Variants in COL27A1 observed in about 807,000 individuals in gnomAD.
The protein encoded by COL27A1 is collagen alpha-1(XXVII) chain.
A neutral mutation model predicts 251.3 loss-of-function variants in COL27A1; 106 were observed. The observed-to-expected ratio is 0.42, with a 90% CI of 0.36 to 0.50. The LOEUF (loss-of-function observed/expected upper bound fraction) is 0.50, where lower values mean the gene tolerates loss of function less well. COL27A1 is among the 20% of genes least tolerant of loss of function. The pLI is 0.00. For missense variants in COL27A1, 2,325 were observed against 2,522.8 expected (o/e 0.92, Z 1.68); for synonymous variants, 1,000 against 986.3 (o/e 1.01, Z -0.26).
intron 41 of COL27A1, among the ~76,000 whole-genome samples, chr9:114,285,478 C>G (rs374352229): frequency 6.6e-6 from 1 of 152,164 alleles, no homozygotes; most frequent in Non-Finnish European, 1.5e-5. Context: ...CTGAGTCCCT[C>G]CTGTCTTTCC....
chr9:114,222,927 C>A (rs971116996), intron 14 of COL27A1, among the ~76,000 whole-genome samples: 2 of 152,164 alleles, frequency 1.3e-5, no homozygotes, highest in African/African-American at 4.8e-5. Flanking sequence ...GGATCTGGCA[C>A]CCAGTAAGTG....
chr9:114,226,646 C>G (rs1160377456), intron 14 of COL27A1, among the ~76,000 whole-genome samples: 1 of 152,250 alleles, frequency 6.6e-6, no homozygotes, highest in Non-Finnish European at 1.5e-5. Context: ...GAACTGACCA[C>G]AGCTCCAGGT....
At chr9:114,245,214 G>GGT (rs71492771) in intron 23 of COL27A1, among the ~76,000 whole-genome samples, 13,162 of 144,182 alleles carry the variant, frequency 0.091, 620 homozygotes, top group South Asian at 0.1. Context: ...GGAGTACAGT[G>GGT]GTGCAATCTC....
rs1022963480 is a variant in COL27A1, at chr9:114,213,166, G to T, written c.2367+2140G>T. 3.3e-5 allele frequency among the ~76,000 whole-genome samples: 5 copies of T among 152,284 alleles called. No homozygotes were observed. In the East Asian group the frequency reaches 9.6e-4, roughly 29 times the overall value. ...AGAGTGTAGCTGTTTAGAGCTTGGG[G>T]TACGGAGTCTCCTGAGCATGGAAGA... is the stretch of plus-strand genomic sequence containing the variant. On this transcript the variant is annotated intron_variant, in intron 12 of 60. Transcript: ENST00000356083.
chr9:114,310,228 G>GA (rs1362151593), intron 60 of COL27A1, among the ~76,000 whole-genome samples: 1 of 151,828 alleles, frequency 6.6e-6, no homozygotes. Flanking sequence ...AAAACTTATT[G>GA]AAAAAATAAA....
chr9:114,158,095 C>T (rs185696145), intron 1 of COL27A1, among the ~76,000 whole-genome samples: 102 of 152,316 alleles, frequency 6.7e-4, no homozygotes, highest in Non-Finnish European at 9.8e-4. Flanking sequence ...GCCGTCTGGG[C>T]ACAGGGGGTC....
intron 12 of COL27A1, among the ~76,000 whole-genome samples, chr9:114,212,472 A>C (rs562791274): frequency 6.6e-6 from 1 of 152,378 alleles, no homozygotes; most frequent in Admixed American, 6.5e-5. Context: ...CAATCACTGA[A>C]TGGGGAAATG....
intron 2 of COL27A1, among the ~76,000 whole-genome samples, chr9:114,165,490 CT>C (rs1229685838): frequency 1.3e-5 from 2 of 151,158 alleles, no homozygotes; most frequent in African/African-American, 2.4e-5. Context: ...ATTCATCTAC[CT>C]ATCCATCCAT....
At position 114,290,670 on chromosome 9, in the gene COL27A1, AC is replaced by A; in HGVS notation, c.4369-139del. The A allele has an allele frequency of 1.5e-6, 1 of 660,330 alleles. No homozygotes were observed. The highest frequency in any genetic ancestry group is 2.6e-6 in the Non-Finnish European group (1 of 381,234). 40.9% of individuals were successfully genotyped at this position (660,330 alleles called of 1,614,324 possible). A position where few individuals can be genotyped will look rare whatever the true frequency, so the allele number is the denominator to read the frequency against. On this transcript the variant is annotated intron_variant, in intron 47 of 60. Coordinates refer to ENST00000356083, the MANE Select transcript of COL27A1 (RefSeq NM_032888.4). This position sits in a 1 kb window ranked among gnomAD's most constrained non-coding sequence, Gnocchi z 4.6. ...TGTCCTCCTGGTCCAGCCACATCAC[AC>A]ACAGGCCGTCTGACCTCCATCCTGG...
At chr9:114,160,348 G>A (rs1238875963) in intron 1 of COL27A1, among the ~76,000 whole-genome samples, 1 of 151,914 alleles carries the variant, frequency 6.6e-6, no homozygotes, top group Non-Finnish European at 1.5e-5. Flanking sequence ...GTAGAGATGG[G>A]GTTTCGCTGT....
intron 5 of COL27A1, among the ~76,000 whole-genome samples, chr9:114,187,589 C>T (rs1458512975): frequency 6.6e-6 from 1 of 152,252 alleles, no homozygotes; most frequent in African/African-American, 2.4e-5. Flanking sequence ...GTCAATCTAG[C>T]CCTCAGCTCC....
At chr9:114,179,585 C>A (rs918281748) in intron 4 of COL27A1, among the ~76,000 whole-genome samples, 33 of 152,240 alleles carry the variant, frequency 2.2e-4, no homozygotes, top group Admixed American at 2.0e-3. Context: ...GTTCCCCTGT[C>A]CCCTCTGGAT....
intron 14 of COL27A1, among the ~76,000 whole-genome samples, chr9:114,228,715 T>C (rs4979357): frequency 0.7 from 106,915 of 152,164 alleles, 39,523 homozygotes; most frequent in South Asian, 0.89. Context: ...GTCAAGTGCT[T>C]AGCACAGTGC....
chr9:114,283,621 G>A (rs758540244), intron 39 of COL27A1, 88 bp from the exon 40 acceptor site: 120 of 1,227,758 alleles, frequency 9.8e-5, no homozygotes, highest in Non-Finnish European at 1.2e-4. Context: ...GCTGCTGGGC[G>A]GAGCGGGGCT....
At chr9:114,238,045 CAG>C (rs1198352893) in intron 19 of COL27A1, among the ~76,000 whole-genome samples, 1 of 152,204 alleles carries the variant, frequency 6.6e-6, no homozygotes, top group East Asian at 1.9e-4. Context: ...ATTCTCCACT[CAG>C]AGTTCCCTCT....
intron 58 of COL27A1, 49 bp from the exon 59 acceptor site, chr9:114,307,620 G>A: frequency 1.5e-6 from 2 of 1,314,914 alleles, no homozygotes; most frequent in South Asian, 1.2e-5. Flanking sequence ...CCAAGGAATG[G>A]GCTCATCCCC....
At chr9:114,255,875 G>A (rs182671574) in intron 27 of COL27A1, among the ~76,000 whole-genome samples, 3 of 152,230 alleles carry the variant, frequency 2.0e-5, no homozygotes, top group Admixed American at 1.3e-4. Context: ...TGCCGGCTGC[G>A]GGATTGTTGG....
In COL27A1 at chr9:114,290,879, G is replaced by C; in HGVS notation, c.4438G>C (p.Ala1480Pro). 2 of 1,551,744 alleles carry C rather than the reference G, an allele frequency of 1.3e-6. No individual in the cohort carries two copies. The highest frequency in any genetic ancestry group is 1.7e-6 in the Non-Finnish European group (2 of 1,146,990). The part of the protein sequence containing the change: ...PAGKRGNPGV[A>P]GLPGAQGPPG... ...TGGGAAGAGAGGAAATCCAGGTGTG[G>C]CCGGCTTACCTGGAGCACAGGGACC... is the stretch of plus-strand genomic sequence containing the variant. The change falls in exon 48 of 61, where the codon GCC becomes CCC. Residue 1480 changes from alanine to proline, a missense_variant. By Grantham distance (27) the Ala-to-Pro change is conservative. Coordinates refer to ENST00000356083, the MANE Select transcript of COL27A1 (RefSeq NM_032888.4). This position sits in a 1 kb window ranked among gnomAD's most constrained non-coding sequence, Gnocchi z 4.6.
chr9:114,204,953 C>T (rs1829842983), intron 7 of COL27A1, 149 bp from the exon 8 acceptor site: 2 of 642,840 alleles, frequency 3.1e-6, no homozygotes, highest in Non-Finnish European at 5.5e-6. Context: ...GTATCTGCAT[C>T]CATCTGGGGA....
Sources: allele counts gnomAD v4.1 joint callset (sites outside exome capture counted in the v4.1 genomes callset), GRCh38; gene constraint gnomAD v4.1.1; non-coding constraint Gnocchi (gnomAD v3.1); transcripts MANE v1.5; gene names NCBI Gene and HGNC (gene_info 2026-07-23, HGNC 2026-07-21).